CADM2: variants seen among roughly 807,000 people sequenced by gnomAD.
CADM2 encodes the protein immunoglobulin superfamily member 4D.
A neutral mutation model predicts 49.8 loss-of-function variants in CADM2; 12 were observed. The ratio of observed to expected loss-of-function variants is 0.24; its 90% CI spans 0.15 to 0.39. The LOEUF (loss-of-function observed/expected upper bound fraction) is 0.39, where lower values mean the gene tolerates loss of function less well. Ranked by LOEUF, CADM2 falls within the 10% of genes least tolerant of loss-of-function variation. CADM2 has a pLI of 1.00. For synonymous variants in CADM2, 214 were observed against 175.4 expected (o/e 1.22, Z -1.74); for missense variants, 378 against 492.3 (o/e 0.77, Z 2.20).
chr3:85,316,564 A>G (rs1445482070), intron 1 of CADM2, among the ~76,000 whole-genome samples: 2 of 152,162 alleles, frequency 1.3e-5, no homozygotes, highest in African/African-American at 4.8e-5. Context: ...TTGTTGTCAA[A>G]TAGATTCAAA....
At chr3:85,429,724 A>G (rs534776659) in intron 1 of CADM2, among the ~76,000 whole-genome samples, 1 of 152,314 alleles carries the variant, frequency 6.6e-6, no homozygotes, top group South Asian at 2.1e-4. Flanking sequence ...GAGGTTGGAT[A>G]TATTATAAAA....
intron 8 of CADM2, chr3:86,013,643 G>C: frequency 3.1e-6 from 5 of 1,602,566 alleles, no homozygotes; most frequent in Non-Finnish European, 4.3e-6. Context: ...ACGATGTAGT[G>C]GACATAGCAG....
At chr3:85,387,821 A>T (rs1484569211) in intron 1 of CADM2, among the ~76,000 whole-genome samples, 2 of 152,210 alleles carry the variant, frequency 1.3e-5, no homozygotes, top group East Asian at 3.8e-4. Flanking sequence ...AGAAATTTAA[A>T]GATGGAAGCC....
intron 1 of CADM2, among the ~76,000 whole-genome samples, chr3:85,287,730 T>C (rs1157477178): frequency 2.0e-5 from 3 of 152,190 alleles, no homozygotes; most frequent in Non-Finnish European, 2.9e-5. Context: ...CTGCAGGAAC[T>C]ATTTAATTTT....
intron 1 of CADM2, among the ~76,000 whole-genome samples, chr3:85,645,151 T>C (rs571527417): frequency 2.6e-5 from 4 of 152,074 alleles, no homozygotes; most frequent in African/African-American, 4.8e-5. Context: ...TCATTTTTAA[T>C]AGTTAAATTG....
chr3:85,347,774 T>A (rs2107223865), intron 1 of CADM2, among the ~76,000 whole-genome samples: 1 of 151,030 alleles, frequency 6.6e-6, no homozygotes, highest in East Asian at 1.9e-4. Flanking sequence ...GCATAGTAGC[T>A]GAGATTACAG....
intron 1 of CADM2, among the ~76,000 whole-genome samples, chr3:85,465,447 A>G (rs1374529052): frequency 6.6e-6 from 1 of 152,192 alleles, no homozygotes; most frequent in Non-Finnish European, 1.5e-5. Flanking sequence ...AACACATATT[A>G]TGTATAAGTA....
At chr3:85,074,662 A>G (rs2036874870) in intron 1 of CADM2, among the ~76,000 whole-genome samples, 1 of 152,110 alleles carries the variant, frequency 6.6e-6, no homozygotes, top group African/African-American at 2.4e-5. Context: ...GGGGCAGAAA[A>G]TGGGCCTTAT....
chr3:85,521,956 T>G (rs1242375901), intron 1 of CADM2, among the ~76,000 whole-genome samples: 1 of 152,140 alleles, frequency 6.6e-6, no homozygotes, highest in Non-Finnish European at 1.5e-5. Flanking sequence ...CAGTCGCTTT[T>G]CTGGGGCGTG....
At chr3:86,039,000 T>A (rs1231639119) in intron 8 of CADM2, among the ~76,000 whole-genome samples, 1 of 152,218 alleles carries the variant, frequency 6.6e-6, no homozygotes, top group Non-Finnish European at 1.5e-5. Flanking sequence ...AAAATTGTTC[T>A]TTGCTCTCCT....
intron 1 of CADM2, among the ~76,000 whole-genome samples, chr3:84,993,487 TCCTAGTTGAC>T (rs1382466366): frequency 6.6e-6 from 1 of 152,144 alleles, no homozygotes; most frequent in Non-Finnish European, 1.5e-5. Flanking sequence ...TTACTTCTGG[TCCTAGTTGAC>T]CCTGTAATCG....
chr3:85,779,050 G>T (rs929609270), intron 2 of CADM2, among the ~76,000 whole-genome samples: 8 of 152,132 alleles, frequency 5.3e-5, no homozygotes, highest in Non-Finnish European at 1.2e-4. Context: ...AAATCTAGGG[G>T]TGAAATTTTG....
intron 1 of CADM2, among the ~76,000 whole-genome samples, chr3:85,201,172 A>G (rs1163441984): frequency 6.6e-6 from 1 of 152,182 alleles, no homozygotes; most frequent in Non-Finnish European, 1.5e-5. Context: ...TTAATACTAC[A>G]AATGTTGAAC....
chr3:85,708,850 G>A (rs942244311), intron 1 of CADM2, among the ~76,000 whole-genome samples: 5 of 151,920 alleles, frequency 3.3e-5, no homozygotes, highest in African/African-American at 1.2e-4. Context: ...GTTGCACGTG[G>A]AAGAATATTT....
At chr3:85,752,130 AC>A (rs2068887219) in intron 2 of CADM2, among the ~76,000 whole-genome samples, 1 of 152,124 alleles carries the variant, frequency 6.6e-6, no homozygotes, top group Non-Finnish European at 1.5e-5. Context: ...CCAATACTCA[AC>A]CTGAAGATGC....
intron 1 of CADM2, among the ~76,000 whole-genome samples, chr3:85,647,151 C>CTTTA (rs1305213815): frequency 1.3e-5 from 2 of 151,682 alleles, no homozygotes; most frequent in Non-Finnish European, 3.0e-5. Flanking sequence ...AAACACTGCC[C>CTTTA]TTTACCAAGT....
At position 85,745,414 on chromosome 3, in the gene CADM2, G is replaced by A. The variant is rs1328027357; in HGVS notation, c.88+18866G>A. On this transcript the variant is annotated intron_variant, in intron 2 of 9. Coordinates refer to ENST00000383699, the MANE Select transcript of CADM2 (RefSeq NM_001167675.2). ...TGAACTTTTCATTGTGTTGGAAGGG[G>A]GAAGGCTAAAGTTGGGGGTAGACTT... is the stretch of plus-strand genomic sequence containing the variant. 5.9e-5 allele frequency among the ~76,000 whole-genome samples: 9 copies of A among 151,862 alleles called. No homozygotes were observed. The South Asian group carries it at 1.9e-3, about 32-fold the overall frequency.
At chr3:85,109,416 A>G (rs891086407) in intron 1 of CADM2, among the ~76,000 whole-genome samples, 5 of 151,904 alleles carry the variant, frequency 3.3e-5, no homozygotes, top group African/African-American at 1.2e-4. Flanking sequence ...ATCATCAGGC[A>G]TAAACTGAGG....
intron 1 of CADM2, among the ~76,000 whole-genome samples, chr3:85,265,779 G>C (rs2043109420): frequency 6.6e-6 from 1 of 151,942 alleles, no homozygotes; most frequent in Non-Finnish European, 1.5e-5. Flanking sequence ...CCAAATTATA[G>C]TGTAATATGT....
Sources: allele counts gnomAD v4.1 joint callset (sites outside exome capture counted in the v4.1 genomes callset), GRCh38; gene constraint gnomAD v4.1.1; transcripts MANE v1.5; gene names NCBI Gene and HGNC (gene_info 2026-07-23, HGNC 2026-07-21).